The following STAG1 variants were observed in gnomAD, a reference collection of about 807,000 sequenced individuals.
STAG1 encodes the protein cohesin subunit SA-1.
STAG1 carries 26 observed loss-of-function variants against 170.9 expected under a neutral mutation model. That is an observed-to-expected ratio of 0.15 (90% CI 0.11 to 0.21). STAG1 has a LOEUF of 0.21. STAG1 is among the 10% of genes least tolerant of loss of function. The pLI is 1.00. For synonymous variants in STAG1, 514 were observed against 497.7 expected (o/e 1.03, Z -0.44); for missense variants, 964 against 1,509.5 (o/e 0.64, Z 5.99).
At chr3:136,630,796 G>T in intron 2 of STAG1, 74 bp downstream of exon 2, 1 of 1,020,370 alleles carries the variant, frequency 9.8e-7, no homozygotes, top group Non-Finnish European at 1.5e-6. Flanking sequence ...ATCGAAGAGA[G>T]CATTTTGATA....
At chr3:136,390,675 T>G (rs1030636437) in intron 22 of STAG1, among the ~76,000 whole-genome samples, 31 of 152,180 alleles carry the variant, frequency 2.0e-4, no homozygotes, top group Non-Finnish European at 1.9e-4. Flanking sequence ...CCTACAAGGA[T>G]CACTATTATT....
chr3:136,528,245 C>G (rs1935168938), intron 6 of STAG1, among the ~76,000 whole-genome samples: 1 of 152,144 alleles, frequency 6.6e-6, no homozygotes, highest in African/African-American at 2.4e-5. Flanking sequence ...TTTGAACTTC[C>G]TGGCTGCTAT....
intron 1 of STAG1, among the ~76,000 whole-genome samples, chr3:136,639,033 TA>T (rs1032684284): frequency 6.6e-6 from 1 of 152,018 alleles, no homozygotes; most frequent in African/African-American, 2.4e-5. Context: ...TGCCTTATCC[TA>T]AATCACCCTG....
At chr3:136,489,674 AATAATT>A (rs1423561419) in intron 9 of STAG1, among the ~76,000 whole-genome samples, 1 of 152,256 alleles carries the variant, frequency 6.6e-6, no homozygotes, top group Non-Finnish European at 1.5e-5. Context: ...TCCAAAATAG[AATAATT>A]ATAGAGAATT....
intron 1 of STAG1, among the ~76,000 whole-genome samples, chr3:136,735,897 A>G (rs1003313727): frequency 1.3e-5 from 2 of 152,226 alleles, no homozygotes; most frequent in African/African-American, 4.8e-5. Flanking sequence ...CTCTTTGGAA[A>G]GTGAAAGGTT....
At chr3:136,625,571 T>C (rs770501393) in intron 2 of STAG1, among the ~76,000 whole-genome samples, 11 of 152,238 alleles carry the variant, frequency 7.2e-5, no homozygotes, top group African/African-American at 1.4e-4. Flanking sequence ...TAAGTTATTA[T>C]ACAAATTTAT....
intron 3 of STAG1, among the ~76,000 whole-genome samples, chr3:136,609,940 G>A (rs191752546): frequency 6.6e-5 from 10 of 152,074 alleles, no homozygotes; most frequent in Admixed American, 2.0e-4. Flanking sequence ...ATGGCAACAT[G>A]GAGTTATAGT....
At chr3:136,411,469 G>A (rs1281958671) in intron 21 of STAG1, among the ~76,000 whole-genome samples, 2 of 152,094 alleles carry the variant, frequency 1.3e-5, no homozygotes, top group African/African-American at 2.4e-5. Context: ...ACAAAAGTGG[G>A]TATAAGAGAT....
chr3:136,398,144 G>T (rs1384489256), intron 22 of STAG1, among the ~76,000 whole-genome samples: 18 of 149,776 alleles, frequency 1.2e-4, no homozygotes, highest in African/African-American at 4.4e-4. Flanking sequence ...TCAGACAAGA[G>T]TCTCACTCTG....
chr3:136,345,453 TTG>T (rs1305290667), intron 29 of STAG1, among the ~76,000 whole-genome samples: 8 of 125,442 alleles, frequency 6.4e-5, no homozygotes, highest in South Asian at 3.1e-4. Context: ...TATTACCTAG[TTG>T]TTTTTTTTTT....
intron 1 of STAG1, among the ~76,000 whole-genome samples, chr3:136,689,993 T>A (rs1408815930): frequency 7.9e-6 from 1 of 126,148 alleles, no homozygotes; most frequent in African/African-American, 3.2e-5. Context: ...TGAGCCAAGA[T>A]AGCACCACCG....
chr3:136,551,266 A>C lies in STAG1; in HGVS notation c.395-9071T>G, dbSNP rs142492492. ...GAGAGAGAGAGAGAGAGAGAGGGAG[A>C]GCGAGAGAGCGTGCTCTGTTGCCCA... On this transcript the variant is annotated intron_variant, in intron 5 of 33. Transcript: ENST00000383202. Among the ~76,000 whole-genome samples, 827 of 140,328 alleles carry C rather than the reference A, an allele frequency of 5.9e-3. 18 individuals carry two copies. The highest frequency in any genetic ancestry group is 0.021 in the African/African-American group (786 of 36,888). The allele number at this position is 140,328 out of a possible 152,430, so 92.1% of individuals were successfully genotyped here.
At chr3:136,579,533 T>C (rs954737614) in intron 4 of STAG1, among the ~76,000 whole-genome samples, 2 of 152,218 alleles carry the variant, frequency 1.3e-5, no homozygotes, top group Non-Finnish European at 2.9e-5. Context: ...CTGAAGCCCT[T>C]GACGTCCTGC....
At chr3:136,684,990 G>T (rs1942464767) in intron 1 of STAG1, among the ~76,000 whole-genome samples, 1 of 151,970 alleles carries the variant, frequency 6.6e-6, no homozygotes, top group Admixed American at 6.6e-5. Context: ...ATCAATGAAA[G>T]AAATAATCAA....
chr3:136,746,865 G>A (rs1392044583), intron 1 of STAG1, among the ~76,000 whole-genome samples: 1 of 152,072 alleles, frequency 6.6e-6, no homozygotes. Context: ...CGGAGGCCGA[G>A]GCAGGCGGAT....
chr3:136,719,115 T>C (rs1933048951), intron 1 of STAG1, among the ~76,000 whole-genome samples: 1 of 152,202 alleles, frequency 6.6e-6, no homozygotes, highest in Non-Finnish European at 1.5e-5. Context: ...CACAGCATTA[T>C]TCACAACAGC....
At chr3:136,404,623 T>G (rs928584081) in intron 21 of STAG1, among the ~76,000 whole-genome samples, 3 of 152,190 alleles carry the variant, frequency 2.0e-5, no homozygotes, top group African/African-American at 7.2e-5. Context: ...AAAATTGTTA[T>G]TAGTCCCTTT....
intron 1 of STAG1, among the ~76,000 whole-genome samples, chr3:136,744,658 G>A (rs1934844742): frequency 6.7e-6 from 1 of 148,712 alleles, no homozygotes; most frequent in African/African-American, 2.5e-5. Flanking sequence ...CATTTCTTAG[G>A]TAAACTGCAA....
intron 22 of STAG1, among the ~76,000 whole-genome samples, chr3:136,395,711 T>A (rs2087129834): frequency 6.6e-6 from 1 of 152,160 alleles, no homozygotes; most frequent in African/African-American, 2.4e-5. Context: ...CGGAATAACA[T>A]ATTCTAAATT....
Sources: allele counts gnomAD v4.1 joint callset (sites outside exome capture counted in the v4.1 genomes callset), GRCh38; gene constraint gnomAD v4.1.1; transcripts MANE v1.5; gene names NCBI Gene and HGNC (gene_info 2026-07-23, HGNC 2026-07-21).